Variants in ANO6 observed in about 807,000 individuals in gnomAD.
ANO6 encodes the protein anoctamin-6.
A neutral mutation model predicts 117.5 loss-of-function variants in ANO6; 106 were observed. The ratio of observed to expected loss-of-function variants is 0.90; its 90% CI spans 0.77 to 1.06. The LOEUF is 1.06. Ranked by LOEUF, ANO6 falls within the 50% of genes least tolerant of loss-of-function variation. ANO6 has a pLI of 0.00. For synonymous variants in ANO6, 367 were observed against 385.1 expected, an observed-to-expected ratio of 0.95 and a Z score of 0.55; for missense variants, 955 against 1,121.1, an observed-to-expected ratio of 0.85 and a Z score of 2.12.
chr12:45,304,274 C>A (rs1187544357), intron 2 of ANO6, among the ~76,000 whole-genome samples: 1 of 152,144 alleles, frequency 6.6e-6, no homozygotes, highest in Non-Finnish European at 1.5e-5. Context: ...AAGCTCAGCT[C>A]TTTTTGTAGG....
At chr12:45,220,664 T>C (rs1947381995) in intron 1 of ANO6, among the ~76,000 whole-genome samples, 1 of 152,244 alleles carries the variant, frequency 6.6e-6, no homozygotes, top group African/African-American at 2.4e-5. Context: ...TCCAGTTTCT[T>C]GGCATGCAAC....
chr12:45,314,866 C>T (rs1379319783), intron 2 of ANO6, among the ~76,000 whole-genome samples: 3 of 152,022 alleles, frequency 2.0e-5, no homozygotes, highest in Admixed American at 1.3e-4. Context: ...ATAGCCTAGC[C>T]AAGCTGATAT....
chr12:45,384,548 C>T (rs1017222582), intron 10 of ANO6, among the ~76,000 whole-genome samples: 5 of 152,176 alleles, frequency 3.3e-5, no homozygotes, highest in Non-Finnish European at 7.3e-5. Flanking sequence ...GGCCTAATTT[C>T]ACTACTGTTG....
intron 2 of ANO6, among the ~76,000 whole-genome samples, chr12:45,318,332 C>T (rs1374808394): frequency 5.3e-5 from 8 of 152,068 alleles, no homozygotes; most frequent in South Asian, 4.1e-4. Context: ...AGTTTCAGCT[C>T]TCTACATATG....
intron 2 of ANO6, among the ~76,000 whole-genome samples, chr12:45,329,667 G>A (rs1197775366): frequency 2.6e-5 from 4 of 152,032 alleles, no homozygotes; most frequent in Admixed American, 2.6e-4. Context: ...GTTGCTTTTT[G>A]TACATTTTTC....
chr12:45,424,959 A>C (rs1370909935), intron 19 of ANO6, among the ~76,000 whole-genome samples: 2 of 152,062 alleles, frequency 1.3e-5, no homozygotes, highest in African/African-American at 4.8e-5. Context: ...AAAAAAAAAC[A>C]AAAAAACGTG....
intron 1 of ANO6, among the ~76,000 whole-genome samples, chr12:45,270,945 C>T (rs1275172763): frequency 6.6e-6 from 1 of 152,068 alleles, no homozygotes; most frequent in Non-Finnish European, 1.5e-5. Context: ...GTCTTGAACT[C>T]CTGACCTCAA....
intron 1 of ANO6, among the ~76,000 whole-genome samples, chr12:45,224,309 T>G (rs1947448661): frequency 6.6e-6 from 1 of 152,138 alleles, no homozygotes; most frequent in Non-Finnish European, 1.5e-5. Flanking sequence ...GGCATGATGA[T>G]TTCTCAAAAA....
intron 1 of ANO6, among the ~76,000 whole-genome samples, chr12:45,250,521 T>C (rs930028140): frequency 2.0e-5 from 3 of 151,950 alleles, no homozygotes; most frequent in African/African-American, 4.8e-5. Flanking sequence ...GCCTCTTGAG[T>C]AGCTAGGAGT....
Position 45,292,550 on chromosome 12 carries a change from A to C in ANO6, c.71-9464A>C, listed in dbSNP as rs2137280566. 4.8e-6 allele frequency: 3 copies of C among 629,666 alleles called. No individual in the cohort carries two copies. The East Asian group carries it at 3.5e-4, about 74-fold the overall frequency. 39.0% of individuals were successfully genotyped at this position (629,666 alleles called of 1,614,324 possible). On this transcript the variant is annotated intron_variant, in intron 1 of 19. Coordinates refer to ENST00000320560, the MANE Select transcript of ANO6 (RefSeq NM_001025356.3). ...TTCACAGTGAATCTGATAGGTTTGC[A>C]GTGTACATTGAGTTTTTCTATAAAA...
At chr12:45,233,410 C>T (rs1947602920) in intron 1 of ANO6, among the ~76,000 whole-genome samples, 1 of 152,116 alleles carries the variant, frequency 6.6e-6, no homozygotes, top group South Asian at 2.1e-4. Context: ...GTTAAACAGT[C>T]CTGTGACTTA....
At chr12:45,378,006 A>C (rs1389675633) in intron 9 of ANO6, 47 bp from the exon 10 acceptor site, 1 of 1,523,256 alleles carries the variant, frequency 6.6e-7, no homozygotes, top group East Asian at 2.3e-5. Context: ...ACTGAATCCT[A>C]ATAAGTGGAG....
At chr12:45,341,887 A>G (rs560973002) in intron 3 of ANO6, among the ~76,000 whole-genome samples, 1 of 152,280 alleles carries the variant, frequency 6.6e-6, no homozygotes, top group Admixed American at 6.5e-5. Flanking sequence ...CGAGCATGTT[A>G]AAAGGCAGAG....
chr12:45,335,194 A>T (rs1246287963), intron 3 of ANO6, among the ~76,000 whole-genome samples: 2 of 152,042 alleles, frequency 1.3e-5, no homozygotes, highest in Non-Finnish European at 2.9e-5. Context: ...TGGCAAAAGG[A>T]TCTGGCCAGT....
intron 1 of ANO6, among the ~76,000 whole-genome samples, chr12:45,282,854 A>G (rs930689524): frequency 2.0e-5 from 3 of 152,176 alleles, no homozygotes; most frequent in Admixed American, 6.5e-5. Flanking sequence ...ATTCTCTCAT[A>G]TATAGCCACT....
At chr12:45,414,510 T>C (rs977421219) in intron 16 of ANO6, among the ~76,000 whole-genome samples, 4 of 152,182 alleles carry the variant, frequency 2.6e-5, no homozygotes, top group African/African-American at 9.7e-5. Flanking sequence ...CTTCAAAGTA[T>C]CACTTTATAA....
At chr12:45,310,788 G>GA (rs1473608011) in intron 2 of ANO6, among the ~76,000 whole-genome samples, 3 of 152,072 alleles carry the variant, frequency 2.0e-5, no homozygotes, top group African/African-American at 7.2e-5. Flanking sequence ...ACAGCTGCCA[G>GA]AATCTAGTGG....
intron 12 of ANO6, 118 bp downstream of exon 12, chr12:45,390,616 G>A (rs1942422599): frequency 1.2e-5 from 11 of 918,520 alleles, no homozygotes; most frequent in South Asian, 1.4e-5. Flanking sequence ...GAAACTATAT[G>A]GTCTCAGAGA....
intron 1 of ANO6, among the ~76,000 whole-genome samples, chr12:45,233,953 TA>T (rs1947610558): frequency 6.6e-6 from 1 of 152,244 alleles, no homozygotes; most frequent in African/African-American, 2.4e-5. Flanking sequence ...TAATCTAGTG[TA>T]TTGGAACTAT....
Sources: allele counts gnomAD v4.1 joint callset (sites outside exome capture counted in the v4.1 genomes callset), GRCh38; gene constraint gnomAD v4.1.1; transcripts MANE v1.5; gene names NCBI Gene and HGNC (gene_info 2026-07-23, HGNC 2026-07-21).